Variants in MRO observed in about 807,000 individuals in gnomAD.
The protein encoded by MRO is maestro, also known as protein maestro.
MRO carries 28 observed loss-of-function variants against 31.0 expected under a neutral mutation model. That is an observed-to-expected ratio of 0.90 (90% confidence interval 0.67 to 1.24). The LOEUF is 1.24. Among genes scored for constraint, MRO ranks in the 50% most tolerant of loss-of-function variants. MRO has a pLI of 0.00. For missense variants in MRO, 332 were observed against 289.2 expected, an observed-to-expected ratio of 1.15 and a Z score of -1.07; for synonymous variants, 108 against 108.4, an observed-to-expected ratio of 1.00 and a Z score of 0.02.
intron 3 of MRO, 135 bp from the exon 4 acceptor site, chr18:50,806,985 G>T: frequency 3.5e-6 from 3 of 866,760 alleles, no homozygotes; most frequent in Non-Finnish European, 5.3e-6. Context: ...ACTAAAGACG[G>T]CTGGGTTTTG....
At position 50,814,279 on chromosome 18, in the gene MRO, C is replaced by CA. The variant is rs200759988; in HGVS notation, c.-4-4876dup. 8.1e-3 allele frequency: 1,110 copies of CA among 137,380 alleles called. 15 individuals are homozygous for CA. Among genetic ancestry groups the CA allele is most frequent in the African/African-American group, 0.027 (899 of 33,594 alleles). The allele number at this position is 137,380 out of a possible 1,614,324, so 8.5% of individuals were successfully genotyped here. A position where few individuals can be genotyped will look rare whatever the true frequency, so the allele number is the denominator to read the frequency against. On this transcript the variant is annotated intron_variant, in intron 2 of 7. Coordinates refer to ENST00000398439, the MANE Select transcript of MRO (RefSeq NM_031939.6). ...ATTTTAATAGCATTAAGATTACCTT[C>CA]AAAAAAAAAAAAACTCAAAGTGGAG...
At chr18:50,811,806 T>G (rs1253374395) in intron 2 of MRO, among the ~76,000 whole-genome samples, 2 of 140,682 alleles carry the variant, frequency 1.4e-5, no homozygotes, top group Non-Finnish European at 3.0e-5. Context: ...CAGGCTGGAA[T>G]GCAGTAGCTC....
intron 2 of MRO, among the ~76,000 whole-genome samples, chr18:50,819,088 C>T (rs531391820): frequency 1.7e-4 from 25 of 151,324 alleles, no homozygotes; most frequent in African/African-American, 5.8e-4. Context: ...TTAAAAAAAT[C>T]GTCTTCATTT....
chr18:50,817,324 CG>C (rs747086741), intron 2 of MRO, among the ~76,000 whole-genome samples: 8 of 152,026 alleles, frequency 5.3e-5, no homozygotes, highest in Non-Finnish European at 1.2e-4. Context: ...CAGAATTCCC[CG>C]GGGTACGTGT....
In MRO at chr18:50,805,357, G is replaced by T. The variant is rs534866320; in HGVS notation, c.247-21C>A. 1.8e-4 allele frequency: 285 copies of T among 1,609,628 alleles called. 1 individual carries two copies. In the South Asian group the frequency reaches 3.0e-3, roughly 17 times the overall value. ...CTCACCTGTCACCAAGGTTTGAAAA[G>T]CAGTAATAGCACAGGAACTGCTCCC... On this transcript the variant is annotated intron_variant, in intron 4 of 7. Transcript: ENST00000398439.
rs942760137 is a variant in MRO, at chr18:50,801,479, GCCGAGTATCTCAGA to G, written c.441_454del (p.Arg149CysfsTer23). The G allele has an allele frequency of 1.6e-5, 25 of 1,607,612 alleles. No homozygotes were observed. Among genetic ancestry groups the G allele is most frequent in the Non-Finnish European group, 2.1e-5 (25 of 1,177,320 alleles). ...AGCCAATTGCCCAAACAAAACAAAG[GCCGAGTATCTCAGA>G]CTGTCGTTCTCCTGCGGTCCCCATC... is the stretch of plus-strand genomic sequence containing the variant. On this transcript the variant is annotated frameshift_variant, in exon 6 of 8. Transcript: ENST00000398439. LOFTEE classifies it high-confidence loss of function.
intron 2 of MRO, chr18:50,815,490 G>A (rs1414752474): frequency 3.3e-6 from 1 of 301,200 alleles, no homozygotes; most frequent in East Asian, 8.4e-5. Flanking sequence ...CGTGGTGGTG[G>A]TGGACCAGGA....
At chr18:50,800,168 T>A in intron 6 of MRO, 25 bp from the exon 7 acceptor site, 1 of 1,499,954 alleles carries the variant, frequency 6.7e-7, no homozygotes, top group Non-Finnish European at 9.2e-7. Context: ...ATTACTATTT[T>A]ATTTATTAGA....
intron 2 of MRO, among the ~76,000 whole-genome samples, chr18:50,818,625 CTT>C (rs1915124194): frequency 6.6e-6 from 1 of 152,096 alleles, no homozygotes; most frequent in African/African-American, 2.4e-5. Context: ...GTCAATAATC[CTT>C]TTATTTATTG....
At chr18:50,802,596 A>G (rs1913452117) in intron 5 of MRO, among the ~76,000 whole-genome samples, 1 of 152,222 alleles carries the variant, frequency 6.6e-6, no homozygotes, top group South Asian at 2.1e-4. Flanking sequence ...GGGAAGAAGC[A>G]CAAAGAACTG....
At chr18:50,802,512 T>C (rs1726539918) in intron 5 of MRO, among the ~76,000 whole-genome samples, 1 of 152,204 alleles carries the variant, frequency 6.6e-6, no homozygotes, top group African/African-American at 2.4e-5. Flanking sequence ...CGGGTTTTTA[T>C]ATCAGTGTTT....
chr18:50,813,352 A>G (rs749034331), intron 2 of MRO, among the ~76,000 whole-genome samples: 1 of 152,232 alleles, frequency 6.6e-6, no homozygotes, highest in African/African-American at 2.4e-5. Flanking sequence ...TTCTCTTTCC[A>G]TCAGTTACCT....
At position 50,797,131 on chromosome 18, in the gene MRO, T is replaced by C. The variant is rs904287219; in HGVS notation, c.*2206A>G. On this transcript the variant is annotated 3_prime_UTR_variant, in exon 8 of 8. Transcript: ENST00000398439. ...GCTTCTGCAACTGACACAGGCTTGA[T>C]GGAGACGCTCGTCTCTTTTCCGTAT... The C allele has an allele frequency of 3.3e-5, 5 of 152,224 alleles. No homozygotes were observed. The highest frequency in any genetic ancestry group is 1.2e-4 in the African/African-American group (5 of 41,456). The allele number at this position is 152,224 out of a possible 1,614,324, so 9.4% of individuals were successfully genotyped here.
At chr18:50,813,783 A>T (rs1437433588) in intron 2 of MRO, among the ~76,000 whole-genome samples, 1 of 152,190 alleles carries the variant, frequency 6.6e-6, no homozygotes, top group African/African-American at 2.4e-5. Context: ...AGTGGGAGCT[A>T]AATGTTGAGT....
intron 2 of MRO, 80 bp downstream of exon 2, chr18:50,819,501 C>T (rs1350430902): frequency 1.3e-6 from 2 of 1,523,782 alleles, no homozygotes; most frequent in African/African-American, 1.4e-5. Context: ...GAGTGACATT[C>T]CAGAAAGGTT....
At chr18:50,801,628 A>T in intron 5 of MRO, 124 bp from the exon 6 acceptor site, 1 of 931,568 alleles carries the variant, frequency 1.1e-6, no homozygotes, top group Non-Finnish European at 1.6e-6. Context: ...CATCACAGCC[A>T]TCGATCTTGA....
upstream of MRO, among the ~76,000 whole-genome samples, chr18:50,820,752 GT>G (rs1419560285): frequency 2.0e-5 from 3 of 152,232 alleles, no homozygotes; most frequent in Admixed American, 6.5e-5. Flanking sequence ...ATTTGTGGCA[GT>G]TAAAATTCAG....
At chr18:50,803,931 C>T (rs894608878) in intron 5 of MRO, among the ~76,000 whole-genome samples, 6 of 152,258 alleles carry the variant, frequency 3.9e-5, no homozygotes, top group Admixed American at 2.0e-4. Context: ...TGTTAGCTTG[C>T]AGTCAGGGTC....
At chr18:50,818,210 AC>A (rs973563307) in intron 2 of MRO, among the ~76,000 whole-genome samples, 8 of 151,998 alleles carry the variant, frequency 5.3e-5, no homozygotes, top group African/African-American at 1.2e-4. Context: ...AAGCCCTCTC[AC>A]CCGTAAGACA....
Sources: allele counts gnomAD v4.1 joint callset (sites outside exome capture counted in the v4.1 genomes callset), GRCh38; gene constraint gnomAD v4.1.1; transcripts MANE v1.5; gene names NCBI Gene and HGNC (gene_info 2026-07-23, HGNC 2026-07-21).